The following TMPRSS15 variants were observed in gnomAD, a reference collection of about 807,000 sequenced individuals.
The protein encoded by TMPRSS15 is enteropeptidase.
A neutral mutation model predicts 125.3 loss-of-function variants in TMPRSS15; 128 were observed. That is an observed-to-expected ratio of 1.02 (90% CI 0.89 to 1.18). The LOEUF (loss-of-function observed/expected upper bound fraction) is 1.18. TMPRSS15 is among the 50% of genes most tolerant of loss of function. The pLI, the probability that TMPRSS15 is intolerant of heterozygous loss-of-function variation, is 0.00. For synonymous variants in TMPRSS15, 446 were observed against 423.2 expected (o/e 1.05, Z -0.66); for missense variants, 1,283 against 1,212.7 (o/e 1.06, Z -0.86).
chr21:18,316,363 C>T (rs1428325494), intron 16 of TMPRSS15, among the ~76,000 whole-genome samples: 4 of 152,178 alleles, frequency 2.6e-5, no homozygotes, highest in African/African-American at 9.7e-5. Flanking sequence ...GAGAGGTCCC[C>T]TGGCCTCACC....
At chr21:18,338,112 A>C (rs566583413) in intron 13 of TMPRSS15, among the ~76,000 whole-genome samples, 6 of 152,226 alleles carry the variant, frequency 3.9e-5, no homozygotes, top group Non-Finnish European at 7.4e-5. Context: ...AAATATGAAG[A>C]CTATAAGGGT....
intron 10 of TMPRSS15, among the ~76,000 whole-genome samples, chr21:18,348,764 CAT>C (rs1485767821): frequency 6.6e-6 from 1 of 152,200 alleles, no homozygotes; most frequent in Non-Finnish European, 1.5e-5. Context: ...TCCTCCCCAA[CAT>C]ATGACTTAGA....
At chr21:18,368,447 G>C (rs1337858340) in intron 6 of TMPRSS15, among the ~76,000 whole-genome samples, 1 of 152,128 alleles carries the variant, frequency 6.6e-6, no homozygotes, top group Non-Finnish European at 1.5e-5. Context: ...TTCCAAATAT[G>C]GTTTCTGAAC....
chr21:18,344,508 T>C (rs2075484655), intron 10 of TMPRSS15, among the ~76,000 whole-genome samples: 1 of 152,224 alleles, frequency 6.6e-6, no homozygotes, highest in Non-Finnish European at 1.5e-5. Flanking sequence ...GATTTTCAGT[T>C]TTATATTTCA....
intron 15 of TMPRSS15, among the ~76,000 whole-genome samples, chr21:18,328,197 T>C (rs2075311686): frequency 6.6e-6 from 1 of 152,126 alleles, no homozygotes; most frequent in African/African-American, 2.4e-5. Context: ...CACTCTGTAA[T>C]AGCACAAAAA....
At chr21:18,401,280 A>T (rs2076092594) in intron 1 of TMPRSS15, among the ~76,000 whole-genome samples, 1 of 152,174 alleles carries the variant, frequency 6.6e-6, no homozygotes, top group African/African-American at 2.4e-5. Flanking sequence ...ACACGCACTC[A>T]CATGTTCATC....
rs181388423 is a variant in TMPRSS15, at chr21:18,400,708, C to T, written c.146-2379G>A. The stretch of plus-strand genomic sequence containing the variant: ...ACTAAATCCTCAAAAGCAGTTGCAA[C>T]GAAACCAAAAATTGGCAAGTGGGGC... On this transcript the variant is annotated intron_variant, in intron 1 of 24. Coordinates refer to ENST00000284885, the MANE Select transcript of TMPRSS15 (RefSeq NM_002772.3). Among the ~76,000 whole-genome samples, 68 of 152,144 alleles carry T rather than the reference C, an allele frequency of 4.5e-4. 1 individual carries two copies. Among genetic ancestry groups the T allele is most frequent in the African/African-American group, 1.4e-3 (59 of 41,526 alleles).
intron 1 of TMPRSS15, among the ~76,000 whole-genome samples, chr21:18,467,106 G>T (rs1380121920): frequency 2.0e-5 from 3 of 152,256 alleles, no homozygotes; most frequent in African/African-American, 7.2e-5. Flanking sequence ...CATGTCCTTT[G>T]CAGGGACATG....
At chr21:18,469,167 G>C (rs1978729156) in intron 1 of TMPRSS15, among the ~76,000 whole-genome samples, 2 of 152,092 alleles carry the variant, frequency 1.3e-5, no homozygotes, top group African/African-American at 4.8e-5. Flanking sequence ...ACAGTTTGGA[G>C]GCAGGAAGAG....
At chr21:18,367,403 A>G (rs921044859) in intron 6 of TMPRSS15, among the ~76,000 whole-genome samples, 2 of 152,228 alleles carry the variant, frequency 1.3e-5, no homozygotes, top group Admixed American at 1.3e-4. Context: ...TTGTAAAAGC[A>G]AATCTCTTTT....
intron 1 of TMPRSS15, among the ~76,000 whole-genome samples, chr21:18,454,149 C>G (rs927198537): frequency 9.9e-5 from 15 of 152,038 alleles, no homozygotes; most frequent in African/African-American, 3.4e-4. Context: ...TTATAAAGCT[C>G]CACAGAGGAT....
intron 21 of TMPRSS15, among the ~76,000 whole-genome samples, chr21:18,283,257 A>G (rs1366470314): frequency 1.3e-5 from 2 of 152,110 alleles, no homozygotes; most frequent in East Asian, 3.9e-4. Context: ...TCTCTATCAC[A>G]TGTTAAGTAT....
intron 1 of TMPRSS15, among the ~76,000 whole-genome samples, chr21:18,443,699 C>G (rs2076248232): frequency 6.6e-6 from 1 of 152,192 alleles, no homozygotes; most frequent in Admixed American, 6.5e-5. Context: ...AGCTACTGGC[C>G]CAATAGTCCC....
chr21:18,359,165 G>A (rs1185746137), intron 8 of TMPRSS15, among the ~76,000 whole-genome samples: 1 of 151,992 alleles, frequency 6.6e-6, no homozygotes, highest in Non-Finnish European at 1.5e-5. Context: ...AAAGGGGCAT[G>A]AATAGAAACA....
intron 8 of TMPRSS15, 64 bp from the exon 9 acceptor site, chr21:18,353,927 A>G (rs528838370): frequency 6.8e-7 from 1 of 1,472,978 alleles, no homozygotes; most frequent in East Asian, 2.3e-5. Flanking sequence ...CTATCCATCC[A>G]TCAGTCCATC....
At chr21:18,435,328 T>G (rs550048284) in intron 1 of TMPRSS15, among the ~76,000 whole-genome samples, 2 of 152,188 alleles carry the variant, frequency 1.3e-5, no homozygotes, top group Non-Finnish European at 2.9e-5. Flanking sequence ...TCATTGAGAG[T>G]TTTTAGCATG....
chr21:18,385,127 A>C (rs2075931442), intron 3 of TMPRSS15, among the ~76,000 whole-genome samples: 1 of 152,204 alleles, frequency 6.6e-6, no homozygotes, highest in South Asian at 2.1e-4. Context: ...GTATTAAATA[A>C]ATTATATAAA....
chr21:18,342,546 T>G (rs1359742422), intron 12 of TMPRSS15, among the ~76,000 whole-genome samples: 1 of 152,308 alleles, frequency 6.6e-6, no homozygotes, highest in East Asian at 1.9e-4. Flanking sequence ...TATATTACTT[T>G]AGAAAAGACG....
chr21:18,398,054 T>G, intron 2 of TMPRSS15, 108 bp from the exon 3 acceptor site: 1 of 1,253,378 alleles, frequency 8.0e-7, no homozygotes, highest in Non-Finnish European at 1.1e-6. Flanking sequence ...TTGGGGCAAT[T>G]TTCTCCATAG....
Sources: allele counts gnomAD v4.1 joint callset (sites outside exome capture counted in the v4.1 genomes callset), GRCh38; gene constraint gnomAD v4.1.1; transcripts MANE v1.5; gene names NCBI Gene and HGNC (gene_info 2026-07-23, HGNC 2026-07-21).